ARHGAP6: variants seen among roughly 807,000 people sequenced by gnomAD.
ARHGAP6 encodes the protein Rho GTPase activating protein 6.
Under a neutral mutation model 55.7 loss-of-function variants are expected in ARHGAP6, and 16 were observed. The ratio of observed to expected loss-of-function variants is 0.29; its 90% confidence interval spans 0.19 to 0.44. ARHGAP6 has a LOEUF of 0.44. ARHGAP6 is among the 20% of genes least tolerant of loss of function. The probability of loss-of-function intolerance (pLI) is 1.00; values close to 1 mark genes in which losing one functional copy is unlikely to be tolerated. For missense variants in ARHGAP6, 698 were observed against 808.9 expected (o/e 0.86, Z 1.66); for synonymous variants, 382 against 360.9 (o/e 1.06, Z -0.66).
intron 1 of ARHGAP6, among the ~76,000 whole-genome samples, chrX:11,605,410 T>C (rs2052023754): frequency 9.0e-6 from 1 of 110,859 alleles, no homozygotes; most frequent in Admixed American, 9.6e-5. Flanking sequence ...GGGAAGGTGT[T>C]TGGGTGAAGC....
intron 1 of ARHGAP6, among the ~76,000 whole-genome samples, chrX:11,539,455 T>C (rs758319864): frequency 7.1e-5 from 8 of 112,246 alleles, no homozygotes; most frequent in Middle Eastern, 4.6e-3. Flanking sequence ...GATTTCAACT[T>C]AAAATTGTTC....
chrX:11,416,796 A>G (rs2049753143), intron 1 of ARHGAP6, among the ~76,000 whole-genome samples: 1 of 109,299 alleles, frequency 9.1e-6, no homozygotes, highest in Non-Finnish European at 1.9e-5. Context: ...AAACCCTGAC[A>G]AGGGCAGAGT....
chrX:11,318,039 T>C (rs1276659346), intron 1 of ARHGAP6, among the ~76,000 whole-genome samples: 1 of 112,389 alleles, frequency 8.9e-6, no homozygotes, highest in African/African-American at 3.2e-5. Flanking sequence ...TATTTTCTTA[T>C]AGCCACATAC....
At chrX:11,377,041 T>C (rs780478165) in intron 1 of ARHGAP6, among the ~76,000 whole-genome samples, 1 of 112,105 alleles carries the variant, frequency 8.9e-6, no homozygotes, top group Non-Finnish European at 1.9e-5. Flanking sequence ...CTCTGGTGCT[T>C]TGATGGCCTG....
chrX:11,449,378 T>C (rs938872965), intron 1 of ARHGAP6, among the ~76,000 whole-genome samples: 2 of 112,076 alleles, frequency 1.8e-5, no homozygotes, highest in Non-Finnish European at 3.8e-5. Flanking sequence ...CAGGCAGCCA[T>C]TGTGTGTTGT....
intron 10 of ARHGAP6, among the ~76,000 whole-genome samples, chrX:11,146,227 A>T (rs912738181): frequency 3.5e-4 from 39 of 112,348 alleles, no homozygotes; most frequent in Non-Finnish European, 5.6e-4. Flanking sequence ...TTGAAGTGAA[A>T]GGGGGGTAGG....
intron 1 of ARHGAP6, among the ~76,000 whole-genome samples, chrX:11,512,921 G>T (rs1310377070): frequency 9.0e-6 from 1 of 111,710 alleles, no homozygotes; most frequent in Non-Finnish European, 1.9e-5. Context: ...GGTTTGGGAT[G>T]GTTTGTTACA....
intron 1 of ARHGAP6, among the ~76,000 whole-genome samples, chrX:11,451,358 A>T (rs1314697101): frequency 8.9e-6 from 1 of 111,872 alleles, no homozygotes; most frequent in East Asian, 2.8e-4. Flanking sequence ...AAGCCGGAGT[A>T]TATTTTCTGT....
chrX:11,269,612 ATTT>A (rs56886407), intron 1 of ARHGAP6, among the ~76,000 whole-genome samples: 1 of 109,165 alleles, frequency 9.2e-6, no homozygotes, highest in Non-Finnish European at 1.9e-5. Flanking sequence ...AGGTCTTAAT[ATTT>A]TTTAAGACTA....
chrX:11,294,477 A>T lies in ARHGAP6; in HGVS notation c.589-39770T>A, dbSNP rs5934996. On this transcript the variant is annotated intron_variant, in intron 1 of 12. Transcript: ENST00000337414. ...AAATACAATTTAGCTTCTATGACTA[A>T]GGGCTGTATAGGCATAGGAAAATGG... Among the ~76,000 whole-genome samples the T allele has an allele frequency of 0.29, 31,898 of 110,652 alleles. 3,616 individuals carry two copies. Among genetic ancestry groups the T allele is most frequent in the Middle Eastern group, 0.41 (87 of 214 alleles).
chrX:11,448,846 A>T (rs755212024), intron 1 of ARHGAP6, among the ~76,000 whole-genome samples: 14 of 111,596 alleles, frequency 1.3e-4, no homozygotes, highest in Admixed American at 1.1e-3. Flanking sequence ...TCTCAAATTT[A>T]TCATGTGAAA....
chrX:11,241,573 T>TGCGC (rs1555975293), intron 2 of ARHGAP6, among the ~76,000 whole-genome samples: 1 of 97,390 alleles, frequency 1.0e-5, no homozygotes, highest in Admixed American at 1.1e-4. Context: ...TGTGTGTGTG[T>TGCGC]GCGCGTGTGT....
At chrX:11,588,178 G>A (rs1202361708) in intron 1 of ARHGAP6, among the ~76,000 whole-genome samples, 20 of 111,860 alleles carry the variant, frequency 1.8e-4, no homozygotes, top group Non-Finnish European at 3.2e-4. Flanking sequence ...AGGAATCTGA[G>A]AGGGCTTCAT....
intron 2 of ARHGAP6, among the ~76,000 whole-genome samples, chrX:11,203,375 C>A (rs1311416626): frequency 9.0e-6 from 1 of 111,703 alleles, no homozygotes; most frequent in African/African-American, 3.3e-5. Context: ...ATTTTTCTAA[C>A]AAACTCAAAC....
chrX:11,362,370 T>C (rs2049023451), intron 1 of ARHGAP6, among the ~76,000 whole-genome samples: 1 of 109,835 alleles, frequency 9.1e-6, no homozygotes, highest in Non-Finnish European at 1.9e-5. Flanking sequence ...ATGGATGAAA[T>C]TGGAAATCAT....
intron 1 of ARHGAP6, among the ~76,000 whole-genome samples, chrX:11,382,244 T>A (rs2049270851): frequency 8.9e-6 from 1 of 111,839 alleles, no homozygotes; most frequent in South Asian, 3.8e-4. Flanking sequence ...CTTCATTTAC[T>A]TATTAAAATT....
intron 1 of ARHGAP6, chrX:11,335,609 T>A (rs2048624944): frequency 4.4e-6 from 1 of 226,774 alleles, no homozygotes; most frequent in Non-Finnish European, 8.1e-6. Flanking sequence ...ATTTTCTTTA[T>A]CCAGTCTATT....
At position 11,254,539 on chromosome X, in the gene ARHGAP6, A is replaced by T; in HGVS notation, c.748+9T>A. The T allele has an allele frequency of 8.3e-7, 1 of 1,206,035 alleles. No individual in the cohort carries two copies. The highest frequency in any genetic ancestry group is 1.1e-6 in the Non-Finnish European group (1 of 893,079). On this transcript the variant is annotated intron_variant, in intron 2 of 12. Coordinates refer to ENST00000337414, the MANE Select transcript of ARHGAP6 (RefSeq NM_013427.3). ...GTGTTCCCCGGCAGAAAGGCAGAAGAGGCCTTACCTTTGGGAATGGTGATC... is the reference window on the plus strand; with the variant it reads ...GTGTTCCCCGGCAGAAAGGCAGAAGTGGCCTTACCTTTGGGAATGGTGATC...
At chrX:11,482,830 A>C (rs1346947298) in intron 1 of ARHGAP6, among the ~76,000 whole-genome samples, 1 of 111,129 alleles carries the variant, frequency 9.0e-6, no homozygotes, top group African/African-American at 3.3e-5. Flanking sequence ...CCCTCCCCAC[A>C]GTGTTGGTGG....
Sources: allele counts gnomAD v4.1 joint callset (sites outside exome capture counted in the v4.1 genomes callset), GRCh38; gene constraint gnomAD v4.1.1; transcripts MANE v1.5; gene names NCBI Gene and HGNC (gene_info 2026-07-23, HGNC 2026-07-21).